The following CUBN variants were observed in gnomAD, a reference collection of about 807,000 sequenced individuals.
The protein encoded by CUBN is 460 kDa receptor.
Under a neutral mutation model 405.3 loss-of-function variants are expected in CUBN, and 282 were observed. The observed-to-expected ratio is 0.70, with a 90% CI of 0.63 to 0.77. CUBN has a LOEUF of 0.77. CUBN is among the 30% of genes least tolerant of loss of function. The pLI is 0.00. For missense variants in CUBN, 4,514 were observed against 4,475.2 expected, an observed-to-expected ratio of 1.01 and a Z score of -0.25; for synonymous variants, 1,684 against 1,617.0, an observed-to-expected ratio of 1.04 and a Z score of -0.99.
chr10:17,105,429 C>G (rs1836602827), intron 11 of CUBN, 28 bp downstream of exon 11: 2 of 1,248,004 alleles, frequency 1.6e-6, no homozygotes, highest in Admixed American at 1.7e-5. Context: ...CAGGTACTCT[C>G]TGTCCACAGG....
At chr10:16,998,498 G>T (rs1833795952) in intron 28 of CUBN, among the ~76,000 whole-genome samples, 1 of 152,166 alleles carries the variant, frequency 6.6e-6, no homozygotes. Context: ...CTTGACTTTG[G>T]AATTCCAGCC....
At chr10:17,049,787 G>C (rs1835221782) in intron 22 of CUBN, among the ~76,000 whole-genome samples, 1 of 152,062 alleles carries the variant, frequency 6.6e-6, no homozygotes, top group Non-Finnish European at 1.5e-5. Context: ...TTTAAGGTTG[G>C]CTGAAACCTT....
intron 54 of CUBN, among the ~76,000 whole-genome samples, chr10:16,893,347 C>CAACATAAA (rs1465127580): frequency 5.9e-5 from 9 of 152,118 alleles, no homozygotes; most frequent in Non-Finnish European, 1.0e-4. Context: ...AGGTTACTGG[C>CAACATAAA]ATTGACATAA....
intron 31 of CUBN, chr10:16,965,753 G>C (rs1843375568): frequency 1.8e-5 from 4 of 228,044 alleles, no homozygotes; most frequent in Non-Finnish European, 8.9e-6. Context: ...ATAGAAGCAG[G>C]AGTCATTGTA....
chr10:16,935,805 G>C (rs576853648), intron 39 of CUBN, among the ~76,000 whole-genome samples: 1 of 150,416 alleles, frequency 6.6e-6, no homozygotes, highest in Non-Finnish European at 1.5e-5. Flanking sequence ...GTATGAACTC[G>C]GGAGGCGGAG....
intron 59 of CUBN, among the ~76,000 whole-genome samples, chr10:16,853,851 T>G (rs1324627745): frequency 2.6e-5 from 4 of 152,236 alleles, no homozygotes; most frequent in Admixed American, 6.5e-5. Flanking sequence ...CTTATTGGCA[T>G]GCGTAGCACA....
chr10:16,866,942 T>C lies in CUBN; in HGVS notation c.9454+2694A>G, dbSNP rs547084408. Among the ~76,000 whole-genome samples, 141 of 152,320 alleles carry C rather than the reference T, an allele frequency of 9.3e-4. 2 individuals are homozygous for C. The Middle Eastern group carries it at 0.031, about 33-fold the overall frequency. On this transcript the variant is annotated intron_variant, in intron 59 of 66. Transcript: ENST00000377833. ...CTGTGACTCGCTAGCAATACAAATA[T>C]AACAAATGCACAAGGCGAATTGAAC...
intron 66 of CUBN, among the ~76,000 whole-genome samples, chr10:16,826,145 G>A (rs1341976517): frequency 6.6e-6 from 1 of 152,042 alleles, no homozygotes; most frequent in Non-Finnish European, 1.5e-5. Context: ...AGGGATATAG[G>A]ATTTCCCTGT....
rs35045969 is a variant in CUBN, at chr10:16,864,948, CTTTTTTTTTTTTTTT to C, written c.9454+4673_9454+4687del. 5.9e-3 allele frequency among the ~76,000 whole-genome samples: 296 copies of C among 50,072 alleles called. 9 individuals carry two copies. In the East Asian group the frequency reaches 0.15, roughly 25 times the overall value. The allele number at this position is 50,072 out of a possible 152,430, so 32.8% of individuals were successfully genotyped here. A position where few individuals can be genotyped will look rare whatever the true frequency, so the allele number is the denominator to read the frequency against. ...TACAGGCGTGAGCCACCATGCCCAG[CTTTTTTTTTTTTTTT>C]TTTTTTTTTTTTTTGGGACGGAGTT... On this transcript the variant is annotated intron_variant, in intron 59 of 66. Coordinates refer to ENST00000377833, the MANE Select transcript of CUBN (RefSeq NM_001081.4).
At chr10:16,931,976 A>G (rs1212651026) in intron 40 of CUBN, among the ~76,000 whole-genome samples, 1 of 152,238 alleles carries the variant, frequency 6.6e-6, no homozygotes, top group Non-Finnish European at 1.5e-5. Flanking sequence ...CCTTTCCATT[A>G]CATGAAAAGT....
At chr10:17,108,381 ATG>A (rs34953406) in intron 10 of CUBN, among the ~76,000 whole-genome samples, 16,854 of 150,894 alleles carry the variant, frequency 0.11, 1,054 homozygotes, top group South Asian at 0.22. Flanking sequence ...TCACAAGTAT[ATG>A]TGTGTGTGTG....
At chr10:17,084,527 C>G (rs1836058190) in intron 16 of CUBN, 66 bp from the exon 17 acceptor site, 1 of 1,394,790 alleles carries the variant, frequency 7.2e-7, no homozygotes, top group Non-Finnish European at 1.0e-6. Flanking sequence ...GGCATTGGAT[C>G]CAATTTCTAA....
rs751776723 is a variant in CUBN at position 16,900,695 on chromosome 10, G to T, written c.8340C>A (p.Val2780=). Residue 2780 remains valine (V), a synonymous_variant, in exon 53 of 67, where the codon GTC becomes GTA. Coordinates refer to ENST00000377833, the MANE Select transcript of CUBN (RefSeq NM_001081.4). ...RTIQSGSNQL[V]VTFNSDHSLQ... ...ATGAATGGTCTGAGTTAAAAGTCAC[G>T]ACCAGCTGATTGGAACCTGACTGTA... 1 of 1,614,088 alleles carries T rather than the reference G, an allele frequency of 6.2e-7. No individual in the cohort carries two copies. The highest frequency in any genetic ancestry group is 2.2e-5 in the East Asian group (1 of 44,872).
At chr10:17,032,296 ATCTTC>A (rs1834803438) in intron 27 of CUBN, among the ~76,000 whole-genome samples, 1 of 152,162 alleles carries the variant, frequency 6.6e-6, no homozygotes, top group Non-Finnish European at 1.5e-5. Context: ...GTGGATTATT[ATCTTC>A]ATTTTACACA....
chr10:16,955,377 A>C (rs1416742658), intron 31 of CUBN, among the ~76,000 whole-genome samples: 71 of 60,300 alleles, frequency 1.2e-3, no homozygotes, highest in African/African-American at 7.9e-3. Flanking sequence ...TCTGTCTCAA[A>C]AAAAAAAAAA....
At position 16,990,456 on chromosome 10, in the gene CUBN, T is replaced by G; in HGVS notation, c.4228A>C (p.Arg1410=). 1.9e-6 allele frequency: 3 copies of G among 1,614,196 alleles called. No homozygotes were observed. The highest frequency in any genetic ancestry group is 2.5e-6 in the Non-Finnish European group (3 of 1,180,012). The change falls in exon 29 of 67, where the codon AGG becomes CGG. Residue 1410 remains arginine (R), a synonymous_variant. Transcript: ENST00000377833. ...ATACACTCCTTGTTTGGTGGATACCTGTTGGGGAACCCGGGGCTGCTGAAG... is the reference window on the plus strand; with the variant it reads ...ATACACTCCTTGTTTGGTGGATACCGGTTGGGGAACCCGGGGCTGCTGAAG... ...GSFSSPGFPN[R]YPPNKECIWY...
Position 16,990,393 on chromosome 10 carries a change from G to A in CUBN, c.4291C>T (p.Leu1431Phe). ...TCCACATCGAAGTCATGGATGGTGA[G>A]CTGAATGCTACTCCCGGGGTCCGTC... ...IRTDPGSSIQ[L>F]TIHDFDVEYH... is the part of the protein sequence containing the mutation. The change falls in exon 29 of 67, where the codon CTC (leucine) becomes TTC (phenylalanine). Residue 1431 changes from leucine (L) to phenylalanine (F), a missense_variant. Physicochemically the swap from Leu to Phe is conservative, Grantham distance 22 (BLOSUM62 0). Transcript: ENST00000377833. 2.5e-6 allele frequency: 4 copies of A among 1,614,184 alleles called. No individual in the cohort carries two copies. The highest frequency in any genetic ancestry group is 3.4e-6 in the Non-Finnish European group (4 of 1,180,028).
At chr10:17,032,431 G>A (rs147566816) in intron 27 of CUBN, among the ~76,000 whole-genome samples, 26 of 152,282 alleles carry the variant, frequency 1.7e-4, no homozygotes, top group East Asian at 1.2e-3. Flanking sequence ...GAGTGTGAAC[G>A]TAGTTTCATC....
At position 16,877,040 on chromosome 10, in the gene CUBN, T is replaced by C; in HGVS notation, c.8963A>G (p.Tyr2988Cys). 6.2e-7 allele frequency: 1 copy of C among 1,614,144 alleles called. No individual in the cohort carries two copies. Among genetic ancestry groups the C allele is most frequent in the Non-Finnish European group, 8.5e-7 (1 of 1,180,022 alleles). Residue 2988 changes from tyrosine (Y) to cysteine (C), a missense_variant, in exon 57 of 67, where the codon TAC becomes TGC. By Grantham distance (194) the Tyr-to-Cys change is radical (BLOSUM62 -2). Coordinates refer to ENST00000377833, the MANE Select transcript of CUBN (RefSeq NM_001081.4). Reference sequence around the variant, plus strand: ...AGCAAATGGGGTGGACATGACGCTGTAACCTCTGATAATGTGCACGCCATC... The same window carrying C: ...AGCAAATGGGGTGGACATGACGCTGCAACCTCTGATAATGTGCACGCCATC... ...VNDGVHIIRG[Y>C]SVMSTPFATV...
Sources: gnomAD v4.1 joint callset for allele counts (sites outside exome capture counted in the v4.1 genomes callset) on GRCh38, gnomAD v4.1.1 for gene constraint, MANE v1.5 for transcripts, NCBI Gene and HGNC (gene_info 2026-07-23, HGNC 2026-07-21) for gene names.